MICOS10: variants seen among roughly 807,000 people sequenced by gnomAD.
MICOS10 encodes mitochondrial contact site and cristae organizing system subunit 10, also known as MICOS complex subunit MIC10.
Under a neutral mutation model 13.4 loss-of-function variants are expected in MICOS10, and 5 were observed. The ratio of observed to expected loss-of-function variants is 0.37; its 90% confidence interval spans 0.20 to 0.78. The LOEUF (loss-of-function observed/expected upper bound fraction) is 0.78, where lower values mean the gene tolerates loss of function less well. MICOS10 is among the 30% of genes least tolerant of loss of function. MICOS10 has a pLI of 0.47. For missense variants in MICOS10, 101 were observed against 94.6 expected (o/e 1.07, Z -0.28); for synonymous variants, 35 against 33.6 (o/e 1.04, Z -0.15).
intron 1 of MICOS10, among the ~76,000 whole-genome samples, chr1:19,599,422 CTG>C (rs1387771009): frequency 2.6e-5 from 4 of 152,188 alleles, no homozygotes; most frequent in African/African-American, 9.7e-5. Flanking sequence ...TAGTGTCACT[CTG>C]TCTCTCATGC....
At chr1:19,601,816 G>T (rs1437759528) in intron 1 of MICOS10, among the ~76,000 whole-genome samples, 1 of 152,044 alleles carries the variant, frequency 6.6e-6, no homozygotes, top group Non-Finnish European at 1.5e-5. Context: ...GCCCTTACTT[G>T]TTACACATCC....
chr1:19,612,106 G>C (rs1377106416), intron 1 of MICOS10, among the ~76,000 whole-genome samples: 7 of 150,888 alleles, frequency 4.6e-5, no homozygotes, highest in Admixed American at 3.3e-4. Flanking sequence ...GCAGTGGCGC[G>C]ATCTCCACTC....
At chr1:19,608,165 G>A (rs759610946) in intron 1 of MICOS10, 8 of 1,278,960 alleles carry the variant, frequency 6.3e-6, no homozygotes, top group Admixed American at 1.7e-5. Flanking sequence ...CATCAACCTC[G>A]GACCTCAGGT....
chr1:19,602,917 G>A (rs2094821233), intron 1 of MICOS10, among the ~76,000 whole-genome samples: 1 of 152,134 alleles, frequency 6.6e-6, no homozygotes, highest in African/African-American at 2.4e-5. Flanking sequence ...TGGATGAGAG[G>A]TTATGTCTGT....
chr1:19,598,575 G>A (rs2094801719), intron 1 of MICOS10, among the ~76,000 whole-genome samples: 1 of 151,540 alleles, frequency 6.6e-6, no homozygotes, highest in Non-Finnish European at 1.5e-5. Flanking sequence ...TCAGGAGTTG[G>A]AGACCAGCCT....
At chr1:19,624,914 T>G (rs976232502) in intron 3 of MICOS10, among the ~76,000 whole-genome samples, 2 of 152,260 alleles carry the variant, frequency 1.3e-5, no homozygotes, top group African/African-American at 4.8e-5. Context: ...AGCACAATTT[T>G]CAGTGAACAA....
chr1:19,607,143 G>A (rs757279790), intron 1 of MICOS10, among the ~76,000 whole-genome samples: 65 of 152,212 alleles, frequency 4.3e-4, no homozygotes, highest in African/African-American at 1.5e-3. Context: ...ATTAGTACAC[G>A]TTAATTGTTG....
chr1:19,603,559 G>A (rs1017666902), intron 1 of MICOS10, among the ~76,000 whole-genome samples: 3 of 152,124 alleles, frequency 2.0e-5, no homozygotes, highest in Admixed American at 6.6e-5. Flanking sequence ...GGAGGTCCTG[G>A]GAATCCCTAG....
At chr1:19,622,169 C>T in intron 2 of MICOS10, 22 bp downstream of exon 2, 2 of 1,584,982 alleles carry the variant, frequency 1.3e-6, no homozygotes, top group Non-Finnish European at 1.7e-6. Flanking sequence ...TCTGTCTTTT[C>T]AACATAATGT....
intron 1 of MICOS10, chr1:19,608,546 G>T: frequency 1.1e-6 from 1 of 951,172 alleles, no homozygotes; most frequent in Non-Finnish European, 1.7e-6. Context: ...CAGGAAGGGG[G>T]TCACCGTGGT....
At chr1:19,607,137 G>A (rs1347334602) in intron 1 of MICOS10, among the ~76,000 whole-genome samples, 1 of 152,186 alleles carries the variant, frequency 6.6e-6, no homozygotes, top group South Asian at 2.1e-4. Flanking sequence ...TTTTAAATTA[G>A]TACACGTTAA....
chr1:19,606,037 C>G (rs2094833312), intron 1 of MICOS10, among the ~76,000 whole-genome samples: 1 of 152,144 alleles, frequency 6.6e-6, no homozygotes, highest in Admixed American at 6.5e-5. Context: ...ATGAATAACT[C>G]TCTGGAGTGC....
rs1478681077 is a variant in MICOS10 at position 19,626,663 on chromosome 1, G to T, written c.*262G>T. The T allele has an allele frequency of 2.2e-6, 1 of 462,966 alleles. No individual in the cohort carries two copies. Among genetic ancestry groups the T allele is most frequent in the Non-Finnish European group, 4.0e-6 (1 of 250,752 alleles). 28.7% of individuals were successfully genotyped at this position (462,966 alleles called of 1,614,324 possible). ...CATGGCCTTTGTTTCTTCACCTTTGGTCTCTGAGCATGAGGAGGACTGTGT... is the reference window on the plus strand; with the variant it reads ...CATGGCCTTTGTTTCTTCACCTTTGTTCTCTGAGCATGAGGAGGACTGTGT... On this transcript the variant is annotated 3_prime_UTR_variant, in exon 4 of 4. Coordinates refer to ENST00000322753, the MANE Select transcript of MICOS10 (RefSeq NM_001032363.4).
At chr1:19,621,422 G>C (rs868805536) in intron 1 of MICOS10, among the ~76,000 whole-genome samples, 2 of 152,180 alleles carry the variant, frequency 1.3e-5, no homozygotes, top group Admixed American at 6.5e-5. Flanking sequence ...TTTCCCTTGA[G>C]GGGTAGTAAT....
chr1:19,613,248 G>C (rs1445595849), intron 1 of MICOS10, among the ~76,000 whole-genome samples: 1 of 152,216 alleles, frequency 6.6e-6, no homozygotes, highest in Non-Finnish European at 1.5e-5. Context: ...TTTCACCTCT[G>C]ATGGCGGCTT....
intron 1 of MICOS10, among the ~76,000 whole-genome samples, chr1:19,598,987 C>G (rs1157009394): frequency 6.6e-6 from 1 of 152,032 alleles, no homozygotes; most frequent in Non-Finnish European, 1.5e-5. Flanking sequence ...TGGGCTCAAG[C>G]GATCCTCCTG....
intron 1 of MICOS10, among the ~76,000 whole-genome samples, chr1:19,606,280 A>C (rs910166413): frequency 4.6e-5 from 7 of 152,130 alleles, no homozygotes; most frequent in African/African-American, 1.7e-4. Flanking sequence ...TGCTTTTGAC[A>C]AATAGGAGAG....
chr1:19,623,549 A>G lies in MICOS10; in HGVS notation c.188A>G (p.Gln63Arg). Residue 63 changes from glutamine to arginine, a missense_variant, in exon 3 of 4, where the codon CAG becomes CGG. Gln to Arg is a conservative substitution (Grantham distance 43). Transcript: ENST00000322753. Reference protein sequence around the residue: ...MAYSNCQHDFQAPYLLHGKYV... With the variant: ...MAYSNCQHDFRAPYLLHGKYV... Reference sequence around the variant, plus strand: ...TATTCCAACTGTCAGCATGATTTCCAGGCTCCATATCTTCTACATGGAAAA... The same window carrying G: ...TATTCCAACTGTCAGCATGATTTCCGGGCTCCATATCTTCTACATGGAAAA... The G allele has an allele frequency of 6.2e-7, 1 of 1,613,150 alleles. No homozygotes were observed. Among genetic ancestry groups the G allele is most frequent in the East Asian group, 2.2e-5 (1 of 44,868 alleles).
At chr1:19,608,394 A>G in intron 1 of MICOS10, 1 of 1,259,258 alleles carries the variant, frequency 7.9e-7, no homozygotes, top group Non-Finnish European at 1.2e-6. Context: ...ATTGCCCTAC[A>G]CATCCAACTC....
Sources: allele counts gnomAD v4.1 joint callset (sites outside exome capture counted in the v4.1 genomes callset), GRCh38; gene constraint gnomAD v4.1.1; transcripts MANE v1.5; gene names NCBI Gene and HGNC (gene_info 2026-07-23, HGNC 2026-07-21).